ZSCAN31: variants seen among roughly 807,000 people sequenced by gnomAD.
The protein encoded by ZSCAN31 is zinc finger and SCAN domain containing 31, also known as zinc finger and SCAN domain-containing protein 31.
ZSCAN31 carries 14 observed loss-of-function variants against 22.5 expected under a neutral mutation model. The observed-to-expected ratio is 0.62, with a 90% CI of 0.41 to 0.97. The LOEUF (loss-of-function observed/expected upper bound fraction) is 0.97, where lower values mean the gene tolerates loss of function less well. Among genes scored for constraint, ZSCAN31 ranks in the 50% least tolerant of loss-of-function variants. ZSCAN31 has a pLI of 0.00. For missense variants in ZSCAN31, 424 were observed against 483.4 expected, an observed-to-expected ratio of 0.88 and a Z score of 1.15; for synonymous variants, 168 against 169.8, an observed-to-expected ratio of 0.99 and a Z score of 0.08.
At chr6:28,342,601 C>T (rs180797568) in intron 2 of ZSCAN31, among the ~76,000 whole-genome samples, 105 of 152,308 alleles carry the variant, frequency 6.9e-4, no homozygotes, top group Middle Eastern at 3.4e-3. Context: ...CAACAGGAAT[C>T]TGATATATAA....
chr6:28,326,165 CT>C lies in ZSCAN31; in HGVS notation c.1221del (p.Ter407=), dbSNP rs558479150. The C allele has an allele frequency of 5.1e-4, 813 of 1,604,136 alleles. 7 individuals carry two copies. The African/African-American group carries it at 0.01, about 20-fold the overall frequency. On this transcript the variant is annotated frameshift_variant and stop_lost, in exon 4 of 4. Transcript: ENST00000344279. LOFTEE classifies it high-confidence loss of function. ...TGAAGGCTTTCCCAAACTCATCACC[CT>C]TATGGTCTCTCTCCAGTGTGGATTT... Reference protein sequence around the residue: ...HQKIHTGERP* With the variant: ...HQKIHTGERPX
At chr6:28,353,823 G>A in intron 2 of ZSCAN31, 1 of 457,024 alleles carries the variant, frequency 2.2e-6, no homozygotes, top group South Asian at 1.5e-5. Flanking sequence ...AGAAAGACCA[G>A]TGAATTATAC....
In ZSCAN31 at chr6:28,326,821, G is replaced by C; in HGVS notation, c.566C>G (p.Ala189Gly). ...GESIPENQEL[A>G]SKQEILKEME... ...TTCTTTTAAGATTTCTTGCTTTGAT[G>C]CCAACTCCTGGTTCTCAGGTATACT... is the stretch of plus-strand genomic sequence containing the variant. The change falls in exon 4 of 4, where the codon GCA (alanine) becomes GGA (glycine). Residue 189 changes from alanine (A) to glycine (G), a missense_variant. Physicochemically the swap from Ala to Gly is moderately conservative, Grantham distance 60 (BLOSUM62 0). Coordinates refer to ENST00000344279, the MANE Select transcript of ZSCAN31 (RefSeq NM_030899.5). The C allele has an allele frequency of 6.2e-7, 1 of 1,612,160 alleles. No individual in the cohort carries two copies. The highest frequency in any genetic ancestry group is 8.5e-7 in the Non-Finnish European group (1 of 1,179,770).
intron 1 of ZSCAN31, among the ~76,000 whole-genome samples, chr6:28,330,893 T>C (rs1763686173): frequency 6.6e-6 from 1 of 152,012 alleles, no homozygotes; most frequent in Non-Finnish European, 1.5e-5. Context: ...ACTAAAATCA[T>C]GAAAAGGAAT....
At chr6:28,338,802 A>T (rs777553720), upstream of ZSCAN31, among the ~76,000 whole-genome samples, 11 of 152,218 alleles carry the variant, frequency 7.2e-5, no homozygotes, top group Non-Finnish European at 1.6e-4. Flanking sequence ...ATTTTTCTAG[A>T]AAGAATAAAA....
At chr6:28,348,639 A>C (rs1469525597) in intron 2 of ZSCAN31, among the ~76,000 whole-genome samples, 2 of 152,092 alleles carry the variant, frequency 1.3e-5, no homozygotes, top group Admixed American at 6.5e-5. Flanking sequence ...AGCTGCTATA[A>C]TTTTATAATA....
In ZSCAN31 at chr6:28,326,145, G is replaced by A; in HGVS notation, c.*21C>T. ...AATAAGGTTGCAATGATGACTGAAG[G>A]CTTTCCCAAACTCATCACCCTTATG... On this transcript the variant is annotated 3_prime_UTR_variant, in exon 4 of 4. Coordinates refer to ENST00000344279, the MANE Select transcript of ZSCAN31 (RefSeq NM_030899.5). The A allele has an allele frequency of 6.3e-7, 1 of 1,576,816 alleles. No homozygotes were observed. The highest frequency in any genetic ancestry group is 8.6e-7 in the Non-Finnish European group (1 of 1,159,138).
At chr6:28,328,992 G>A (rs1369793476) in intron 2 of ZSCAN31, among the ~76,000 whole-genome samples, 3 of 152,052 alleles carry the variant, frequency 2.0e-5, no homozygotes, top group African/African-American at 7.3e-5. Context: ...GAAGCCACCT[G>A]ACATGTTGTG....
rs1420291949 is a variant in ZSCAN31 at position 28,324,758 on chromosome 6, G to A, written c.*1408C>T. On this transcript the variant is annotated 3_prime_UTR_variant, in exon 4 of 4. Transcript: ENST00000344279. This position sits in a 1 kb window ranked among gnomAD's most constrained non-coding sequence, Gnocchi z 4.8. Reference sequence around the variant, plus strand: ...AAGGTTTAGGGCAGAACAGTTTTAAGCTGAACTTTTATTTCCTCTCTTTTG... The same window carrying A: ...AAGGTTTAGGGCAGAACAGTTTTAAACTGAACTTTTATTTCCTCTCTTTTG... 6.6e-6 allele frequency: 1 copy of A among 152,168 alleles called. No individual in the cohort carries two copies. The highest frequency in any genetic ancestry group is 1.5e-5 in the Non-Finnish European group (1 of 68,020). 9.4% of individuals were successfully genotyped at this position (152,168 alleles called of 1,614,324 possible).
rs1446583760 is a variant in ZSCAN31, at chr6:28,329,764, C to G, written c.-81G>C. On this transcript the variant is annotated 5_prime_UTR_variant, in exon 2 of 4. Transcript: ENST00000344279. ...TTTAAAATTTTCTGATTTAATCTTC[C>G]TTAGGAGAAGACACCTGATGATAGA... The G allele has an allele frequency of 1.3e-6, 2 of 1,494,002 alleles. No individual in the cohort carries two copies. Among genetic ancestry groups the G allele is most frequent in the Admixed American group, 2.2e-5 (1 of 44,840 alleles). 92.5% of individuals were successfully genotyped at this position (1,494,002 alleles called of 1,614,324 possible). A position where few individuals can be genotyped will look rare whatever the true frequency, so the allele number is the denominator to read the frequency against.
At chr6:28,327,641 T>G in intron 2 of ZSCAN31, 108 bp from the exon 3 acceptor site, 1 of 1,270,566 alleles carries the variant, frequency 7.9e-7, no homozygotes, top group East Asian at 2.3e-5. Context: ...TCTAGAGAGA[T>G]GTCACAGTGG....
At chr6:28,329,801 T>A in intron 1 of ZSCAN31, 23 bp from the exon 2 acceptor site, 2 of 1,264,482 alleles carry the variant, frequency 1.6e-6, no homozygotes, top group Non-Finnish European at 2.2e-6. Context: ...CATTATATAT[T>A]AATGGAAATA....
rs1490879211 is a variant in ZSCAN31 at position 28,351,067 on chromosome 6, A to G, written c.-371+2795T>C. Among the ~76,000 whole-genome samples the G allele has an allele frequency of 6.6e-6, 1 of 152,110 alleles. No homozygotes were observed. The highest frequency in any genetic ancestry group is 1.5e-5 in the Non-Finnish European group (1 of 68,016). On this transcript the variant is annotated intron_variant, in intron 2 of 7. Transcript: ENST00000396838. The surrounding 1 kb of genome is among the most constrained non-coding windows in gnomAD (Gnocchi z 4.6). ...TACTAACACCCTTCATTTCAACCCA[A>G]CTTTTACAGGGTTAGCTCTTTCATA...
Position 28,329,441 on chromosome 6 carries a change from C to G in ZSCAN31, c.243G>C (p.Leu81=), listed in dbSNP as rs750411858. 6.2e-7 allele frequency: 1 copy of G among 1,614,112 alleles called. No individual in the cohort carries two copies. The highest frequency in any genetic ancestry group is 8.5e-7 in the Non-Finnish European group (1 of 1,180,054). ...EIHTKEQILE[L]LVLEQFLTIL... ...TAGTCAGGAATTGCTCCAGCACCAGCAGCTCCAAGATTTGCTCTTTGGTGT... is the reference window on the plus strand; with the variant it reads ...TAGTCAGGAATTGCTCCAGCACCAGGAGCTCCAAGATTTGCTCTTTGGTGT... Residue 81 remains leucine (L), a synonymous_variant, in exon 2 of 4, where the codon CTG becomes CTC. Transcript: ENST00000344279.
intron 3 of ZSCAN31, among the ~76,000 whole-genome samples, chr6:28,341,386 A>G (rs1193860952): frequency 6.6e-6 from 1 of 152,198 alleles, no homozygotes; most frequent in Non-Finnish European, 1.5e-5. Flanking sequence ...TACTTTATAG[A>G]TATGGTGCCT....
chr6:28,327,133 A>C (rs1449218851), intron 3 of ZSCAN31, among the ~76,000 whole-genome samples: 3 of 152,192 alleles, frequency 2.0e-5, no homozygotes, highest in African/African-American at 7.2e-5. Flanking sequence ...CACTGTTCTA[A>C]GTGTTTTACA....
intron 1 of ZSCAN31, chr6:28,354,089 T>TA (rs1170768150): frequency 2.6e-6 from 1 of 389,882 alleles, no homozygotes; most frequent in Non-Finnish European, 5.1e-6. Flanking sequence ...CTCCCACACT[T>TA]ACAGCTGTAC....
rs1453689928 is a variant in ZSCAN31, at chr6:28,333,151, C to T, written c.-96+2931G>A. ...AGGGAACCAGGCTCACTGTTTCATT[C>T]CAGGACCTGCAGTGGACTTCCACAC... On this transcript the variant is annotated intron_variant, in intron 1 of 3. Transcript: ENST00000344279. This position sits in a 1 kb window ranked among gnomAD's most constrained non-coding sequence, Gnocchi z 4.1. Among the ~76,000 whole-genome samples the T allele has an allele frequency of 6.6e-6, 1 of 152,092 alleles. No homozygotes were observed. The highest frequency in any genetic ancestry group is 1.5e-5 in the Non-Finnish European group (1 of 68,026).
Position 28,333,034 on chromosome 6 carries a change from G to A in ZSCAN31, c.-96+3048C>T, listed in dbSNP as rs531073971. 2.0e-5 allele frequency among the ~76,000 whole-genome samples: 3 copies of A among 152,352 alleles called. No homozygotes were observed. Among genetic ancestry groups the A allele is most frequent in the Admixed American group, 2.0e-4 (3 of 15,300 alleles). Reference sequence around the variant, plus strand: ...GGACCAGAAACACAAACACAGAGTAGTTAGTGGAGTTGATGACTTGACTGC... The same window carrying A: ...GGACCAGAAACACAAACACAGAGTAATTAGTGGAGTTGATGACTTGACTGC... On this transcript the variant is annotated intron_variant, in intron 1 of 3. Coordinates refer to ENST00000344279, the MANE Select transcript of ZSCAN31 (RefSeq NM_030899.5). The surrounding 1 kb of genome is among the most constrained non-coding windows in gnomAD (Gnocchi z 4.1).
Sources: allele counts gnomAD v4.1 joint callset (sites outside exome capture counted in the v4.1 genomes callset), GRCh38; gene constraint gnomAD v4.1.1; non-coding constraint Gnocchi (gnomAD v3.1); transcripts MANE v1.5; gene names NCBI Gene and HGNC (gene_info 2026-07-23, HGNC 2026-07-21).